The following CUL4A variants were observed in gnomAD, a reference collection of about 807,000 sequenced individuals.
The protein encoded by CUL4A is cullin 4A.
A neutral mutation model predicts 95.5 loss-of-function variants in CUL4A; 16 were observed. The ratio of observed to expected loss-of-function variants is 0.17; its 90% CI spans 0.11 to 0.25. The LOEUF (loss-of-function observed/expected upper bound fraction) is 0.25, where lower values mean the gene tolerates loss of function less well. CUL4A is among the 10% of genes least tolerant of loss of function. CUL4A has a pLI of 1.00. For synonymous variants in CUL4A, 380 were observed against 353.1 expected (o/e 1.08, Z -0.85); for missense variants, 610 against 937.0 (o/e 0.65, Z 4.56).
intron 4 of CUL4A, 146 bp downstream of exon 4, chr13:113,228,191 A>G (rs1394769001): frequency 4.6e-6 from 3 of 655,154 alleles, no homozygotes; most frequent in South Asian, 1.8e-5. Flanking sequence ...AAAGCAGGGA[A>G]GGTGAACTCC....
rs1426676524 is a variant in CUL4A, at chr13:113,224,604, C to T, written c.369-3372C>T. On this transcript the variant is annotated intron_variant, in intron 3 of 19. Transcript: ENST00000375440. ...TTCCTCTAAGTGTGCCTTTATGATC[C>T]GCACTGGCGACAGCAGGCTTTGTCT... is the stretch of plus-strand genomic sequence containing the variant. Among the ~76,000 whole-genome samples the T allele has an allele frequency of 1.3e-5, 2 of 152,236 alleles. 1 individual carries two copies. Among genetic ancestry groups the T allele is most frequent in the South Asian group, 4.1e-4 (2 of 4,834 alleles).
At chr13:113,262,477 C>T (rs1305237674) in intron 19 of CUL4A, among the ~76,000 whole-genome samples, 1 of 152,086 alleles carries the variant, frequency 6.6e-6, no homozygotes, top group Non-Finnish European at 1.5e-5. Flanking sequence ...ATAGTGAGAC[C>T]CCTTCTCTAC....
In CUL4A at chr13:113,229,463, C is replaced by A. The variant is rs2041230599; in HGVS notation, c.456C>A (p.Ile152=). Residue 152 remains isoleucine, a synonymous_variant, in exon 5 of 20, where the codon ATC becomes ATA. Transcript: ENST00000375440. The part of the protein sequence containing the change: ...HCRQMIMIRS[I]FLFLDRTYVL... ...CTGGTCAGATCATGATCAGAAGCAT[C>A]TTCCTGTTCTTGGACCGCACCTATG... 3 of 1,613,626 alleles carry A rather than the reference C, an allele frequency of 1.9e-6. No homozygotes were observed. The Admixed American group carries it at 5.0e-5, about 27-fold the overall frequency.
At chr13:113,210,902 T>C (rs2040407024) in intron 2 of CUL4A, among the ~76,000 whole-genome samples, 1 of 152,222 alleles carries the variant, frequency 6.6e-6, no homozygotes, top group Non-Finnish European at 1.5e-5. Flanking sequence ...AAAACTACTG[T>C]TGACAGTTTG....
At chr13:113,260,211 A>AAAAAAAACAAAACAAAAC (rs1555307263) in intron 18 of CUL4A, among the ~76,000 whole-genome samples, 6,069 of 119,522 alleles carry the variant, frequency 0.051, 1,716 homozygotes, top group African/African-American at 0.21. Flanking sequence ...CTCAAAAAAA[A>AAAAAAAACAAAACAAAAC]AAAAAAAACC....
chr13:113,233,270 C>T lies in CUL4A; in HGVS notation c.606C>T (p.Arg202=), dbSNP rs372440029. The part of the protein sequence containing the change: ...TIDGILLLIE[R]ERSGEAVDRS... ...ATGGAATCCTACTGCTGATCGAGCG[C>T]GAGAGGAGCGGCGAGGCCGTGGACC... The change falls in exon 6 of 20, where the codon CGC becomes CGT. Residue 202 remains arginine, a synonymous_variant. Transcript: ENST00000375440. 38 of 1,613,872 alleles carry T rather than the reference C, an allele frequency of 2.4e-5. No individual in the cohort carries two copies. Among genetic ancestry groups the T allele is most frequent in the African/African-American group, 1.9e-4 (14 of 74,920 alleles).
At chr13:113,210,568 C>T (rs2040374545) in intron 2 of CUL4A, among the ~76,000 whole-genome samples, 2 of 151,308 alleles carry the variant, frequency 1.3e-5, no homozygotes, top group African/African-American at 4.8e-5. Context: ...TTAGTGGTTG[C>T]CTTTAAGGTA....
chr13:113,211,964 T>C, intron 2 of CUL4A, among the ~76,000 whole-genome samples: 1 of 152,176 alleles, frequency 6.6e-6, no homozygotes, highest in East Asian at 1.9e-4. Context: ...CCAGTTCCAC[T>C]CCGCCACCAG....
chr13:113,244,406 A>G lies in CUL4A; in HGVS notation c.1229-4A>G. 1 of 1,609,244 alleles carries G rather than the reference A, an allele frequency of 6.2e-7. No homozygotes were observed. The highest frequency in any genetic ancestry group is 8.5e-7 in the Non-Finnish European group (1 of 1,176,818). On this transcript the variant is annotated splice_polypyrimidine_tract_variant and splice_region_variant and intron_variant, in intron 11 of 19. Transcript: ENST00000375440. ...GAGTATTTACTATATGTTTATGCTC[A>G]CAGCAAAGCATGTGGATTCAAAGTT...
intron 18 of CUL4A, 86 bp from the exon 19 acceptor site, chr13:113,260,521 G>T (rs1320313900): frequency 1.6e-6 from 2 of 1,243,332 alleles, no homozygotes; most frequent in Non-Finnish European, 2.2e-6. Context: ...TTGCACTCTA[G>T]CCCAGGCAAC....
At chr13:113,209,273 C>T (rs2040228528), upstream of CUL4A, among the ~76,000 whole-genome samples, 1 of 147,798 alleles carries the variant, frequency 6.8e-6, no homozygotes, top group Admixed American at 6.6e-5. Flanking sequence ...CGGCACGCAT[C>T]CCCGAGCCAG....
At chr13:113,230,773 A>ATTG (rs2041282244) in intron 5 of CUL4A, among the ~76,000 whole-genome samples, 1 of 144,976 alleles carries the variant, frequency 6.9e-6, no homozygotes, top group Admixed American at 7.1e-5. Context: ...TATTATTATT[A>ATTG]TTATTATTAT....
rs376520659 is a variant in CUL4A, at chr13:113,264,332, G to A, written c.*750G>A. On this transcript the variant is annotated 3_prime_UTR_variant, in exon 20 of 20. Transcript: ENST00000375440. ...TCTAAGATTGAGTCTGGCAGTCCCT[G>A]TTTTTTTGCATTGGGGTAACTGCTC... is the stretch of plus-strand genomic sequence containing the variant. 1 of 152,028 alleles carries A rather than the reference G, an allele frequency of 6.6e-6. No individual in the cohort carries two copies. The highest frequency in any genetic ancestry group is 2.4e-5 in the African/African-American group (1 of 41,394). 9.4% of individuals were successfully genotyped at this position (152,028 alleles called of 1,614,324 possible).
In CUL4A at chr13:113,229,514, C is replaced by G; in HGVS notation, c.507C>G (p.Ser169=). The G allele has an allele frequency of 6.2e-7, 1 of 1,613,038 alleles. No individual in the cohort carries two copies. The highest frequency in any genetic ancestry group is 8.5e-7 in the Non-Finnish European group (1 of 1,179,810). ...TYVLQNSTLP[S]IWDMGLELFR... The stretch of plus-strand genomic sequence containing the variant: ...TGCTGCAGAACTCCACGCTGCCCTC[C>G]ATCTGGTGAGTGTCCTCACAGCGCA... Residue 169 remains serine (S), a synonymous_variant, in exon 5 of 20, where the codon TCC becomes TCG. Transcript: ENST00000375440.
intron 10 of CUL4A, among the ~76,000 whole-genome samples, chr13:113,241,903 AATCCAATCATTGT>A (rs2041723604): frequency 6.6e-6 from 1 of 152,178 alleles, no homozygotes. Context: ...GAATTTTTTA[AATCCAATCATTGT>A]ATTCAGTTCC....
At chr13:113,230,760 A>AATT (rs35512827) in intron 5 of CUL4A, among the ~76,000 whole-genome samples, 3,612 of 143,752 alleles carry the variant, frequency 0.025, 175 homozygotes, top group East Asian at 0.22. Flanking sequence ...GCTTTTCAAA[A>AATT]ATTATTATTA....
intron 18 of CUL4A, among the ~76,000 whole-genome samples, chr13:113,259,971 C>T (rs1269803392): frequency 2.6e-5 from 4 of 151,018 alleles, no homozygotes; most frequent in Admixed American, 6.6e-5. Flanking sequence ...TTTGGGAGGC[C>T]GAGCCAGGTG....
At chr13:113,210,261 C>T (rs1484983517) in intron 2 of CUL4A, among the ~76,000 whole-genome samples, 173 bp downstream of exon 2, 1 of 152,202 alleles carries the variant, frequency 6.6e-6, no homozygotes, top group Non-Finnish European at 1.5e-5. Flanking sequence ...TGTTTATTGC[C>T]GTGGTGGAAT....
At chr13:113,252,533 A>G (rs564192684) in intron 15 of CUL4A, among the ~76,000 whole-genome samples, 7 of 152,288 alleles carry the variant, frequency 4.6e-5, no homozygotes, top group African/African-American at 9.6e-5. Flanking sequence ...CTGTGTTCCA[A>G]AAAAGAAAAG....
Sources: allele counts gnomAD v4.1 joint callset (sites outside exome capture counted in the v4.1 genomes callset), GRCh38; gene constraint gnomAD v4.1.1; transcripts MANE v1.5; gene names NCBI Gene and HGNC (gene_info 2026-07-23, HGNC 2026-07-21).